Variants in MBOAT4 observed in about 807,000 individuals in gnomAD.
The protein encoded by MBOAT4 is membrane-bound ghrelin O-acyltransferase MBOAT4.
A neutral mutation model predicts 13.2 loss-of-function variants in MBOAT4; 11 were observed. That is an observed-to-expected ratio of 0.84 (90% CI 0.53 to 1.38). MBOAT4 has a LOEUF of 1.38. Among genes scored for constraint, MBOAT4 ranks in the 40% most tolerant of loss-of-function variants. The pLI, the probability that MBOAT4 is intolerant of heterozygous loss-of-function variation, is 0.00. For synonymous variants in MBOAT4, 202 were observed against 210.3 expected (o/e 0.96, Z 0.34); for missense variants, 481 against 527.2 (o/e 0.91, Z 0.86).
At chr8:30,134,692 T>G (rs978883816) in intron 2 of MBOAT4, among the ~76,000 whole-genome samples, 1 of 150,924 alleles carries the variant, frequency 6.6e-6, no homozygotes, top group African/African-American at 2.4e-5. Flanking sequence ...GAATTACAGG[T>G]GCACGCCACC....
chr8:30,136,124 A>C (rs929587436), intron 2 of MBOAT4, among the ~76,000 whole-genome samples: 1 of 152,102 alleles, frequency 6.6e-6, no homozygotes, highest in Non-Finnish European at 1.5e-5. Flanking sequence ...TTCACTCTCT[A>C]TTATGGACTG....
rs1013755228 is a variant in MBOAT4, at chr8:30,141,591, T to C, written c.120-2835A>G. 2.6e-5 allele frequency among the ~76,000 whole-genome samples: 4 copies of C among 152,072 alleles called. No homozygotes were observed. The East Asian group carries it at 7.7e-4, about 29-fold the overall frequency. On this transcript the variant is annotated intron_variant, in intron 1 of 2. Transcript: ENST00000320542. Reference sequence around the variant, plus strand: ...AGGCAGAGGTTGCAGTGAGCTGAGATCGCACTGCTGCATTCCAGCCTGGGT... The same window carrying C: ...AGGCAGAGGTTGCAGTGAGCTGAGACCGCACTGCTGCATTCCAGCCTGGGT...
intron 1 of MBOAT4, among the ~76,000 whole-genome samples, chr8:30,142,494 T>TACAG (rs1803278443): frequency 6.6e-6 from 1 of 152,194 alleles, no homozygotes; most frequent in Non-Finnish European, 1.5e-5. Context: ...TAGCCGGGAC[T>TACAG]ACAGGCATGT....
chr8:30,135,081 G>A (rs1306772057), intron 2 of MBOAT4, among the ~76,000 whole-genome samples: 28 of 147,390 alleles, frequency 1.9e-4, no homozygotes, highest in African/African-American at 7.0e-4. Flanking sequence ...TTGTAGAGAT[G>A]GGATTTCACT....
intron 1 of MBOAT4, among the ~76,000 whole-genome samples, chr8:30,143,733 A>G (rs1363265411): frequency 6.6e-6 from 1 of 152,240 alleles, no homozygotes; most frequent in Non-Finnish European, 1.5e-5. Context: ...AAGGCACTTT[A>G]AAAATCACAT....
At chr8:30,144,328 GT>G (rs1293464754) in intron 1 of MBOAT4, among the ~76,000 whole-genome samples, 154 bp downstream of exon 1, 1 of 152,134 alleles carries the variant, frequency 6.6e-6, no homozygotes, top group African/African-American at 2.4e-5. Context: ...TAGAGACAGG[GT>G]TTCGCTATGT....
In MBOAT4 at chr8:30,132,837, AC is replaced by A; in HGVS notation, c.413del (p.Cys138LeufsTer5). On this transcript the variant is annotated frameshift_variant, in exon 3 of 3. Coordinates refer to ENST00000320542, the MANE Select transcript of MBOAT4 (RefSeq NM_001100916.2). LOFTEE classifies it low-confidence loss of function (END_TRUNC). ...CAGATGCTGCCTTCACTTTCCCCTC[AC>A]AAATGTCCAGAGAGAGGGACGTGAC... The part of the protein sequence containing the change: ...QRVTSLSLDI[C>X]EGKVKAASGG... 6.4e-7 allele frequency: 1 copy of A among 1,551,644 alleles called. No individual in the cohort carries two copies. The highest frequency in any genetic ancestry group is 1.7e-4 in the Middle Eastern group (1 of 5,992).
intron 2 of MBOAT4, among the ~76,000 whole-genome samples, chr8:30,134,407 G>A (rs1416209053): frequency 6.6e-6 from 1 of 150,920 alleles, no homozygotes; most frequent in Non-Finnish European, 1.5e-5. Context: ...TGGTGATAGA[G>A]CGAGACTGCA....
In MBOAT4 at chr8:30,131,988, A is replaced by T. The variant is rs141320725; in HGVS notation, c.1263T>A (p.Cys421Ter). 8.4e-6 allele frequency: 13 copies of T among 1,552,048 alleles called. No homozygotes were observed. Among genetic ancestry groups the T allele is most frequent in the Admixed American group, 2.0e-5 (1 of 50,996 alleles). Residue 421 changes from cysteine to a stop codon, truncating the protein, a stop_gained, in exon 3 of 3, where the codon TGT becomes TGA. Transcript: ENST00000320542. LOFTEE classifies it high-confidence loss of function. Reference sequence around the variant, plus strand: ...TCTTCGCCAATAGCAAAAGCAGAATACAGTACACCATGGGAAAGACACTGT... The same window carrying T: ...TCTTCGCCAATAGCAAAAGCAGAATTCAGTACACCATGGGAAAGACACTGT... ...SYNSVFPMVYCILLLLLAKRK... is the reference protein window; with the variant it reads ...SYNSVFPMVY
chr8:30,138,497 G>A, intron 2 of MBOAT4, 35 bp downstream of exon 2: 1 of 1,509,868 alleles, frequency 6.6e-7, no homozygotes, highest in Non-Finnish European at 9.0e-7. Context: ...CAAACTGTAG[G>A]TGGGCTGAGC....
intron 2 of MBOAT4, chr8:30,138,243 T>C: frequency 3.7e-6 from 1 of 267,510 alleles, no homozygotes; most frequent in Non-Finnish European, 7.3e-6. Context: ...CTCTGTGAAT[T>C]ACTCTTTCTT....
intron 2 of MBOAT4, among the ~76,000 whole-genome samples, chr8:30,135,990 AAC>A (rs964053276): frequency 1.3e-5 from 2 of 152,038 alleles, no homozygotes; most frequent in East Asian, 1.9e-4. Flanking sequence ...GAGAGAAAAC[AAC>A]AGTCTTCTAA....
intron 2 of MBOAT4, chr8:30,138,078 A>T (rs1031118800): frequency 2.9e-5 from 5 of 170,968 alleles, no homozygotes; most frequent in African/African-American, 1.2e-4. Flanking sequence ...TTTCATCTCC[A>T]ACCCAACCAA....
chr8:30,138,905 G>A, intron 1 of MBOAT4, 149 bp from the exon 2 acceptor site: 2 of 595,506 alleles, frequency 3.4e-6, no homozygotes, highest in East Asian at 2.8e-5. Flanking sequence ...CCTTCCTTTT[G>A]TTCTTCAGAA....
At chr8:30,132,951 T>A (rs1803059274) in intron 2 of MBOAT4, 45 bp from the exon 3 acceptor site, 2 of 1,466,368 alleles carry the variant, frequency 1.4e-6, no homozygotes, top group Non-Finnish European at 1.8e-6. Context: ...TCTGTATTTA[T>A]TCTCTCTCTC....
intron 1 of MBOAT4, among the ~76,000 whole-genome samples, chr8:30,140,314 T>C (rs1404128664): frequency 6.6e-6 from 1 of 152,206 alleles, no homozygotes; most frequent in Admixed American, 6.5e-5. Context: ...TCTTAGACAC[T>C]GTACCTAAGG....
Position 30,132,456 on chromosome 8 carries a change from G to T in MBOAT4, c.795C>A (p.Leu265=). ...YYSHWILDDS[L]LHAAGFGPEL... ...CAGGCCCAAAGCCCGCTGCGTGGAG[G>T]AGGGAGTCGTCCAGGATCCAGTGGG... The change falls in exon 3 of 3, where the codon CTC becomes CTA. Residue 265 remains leucine, a synonymous_variant. Transcript: ENST00000320542. 1 of 1,551,740 alleles carries T rather than the reference G, an allele frequency of 6.4e-7. No homozygotes were observed. Among genetic ancestry groups the T allele is most frequent in the Non-Finnish European group, 8.7e-7 (1 of 1,147,004 alleles).
intron 1 of MBOAT4, among the ~76,000 whole-genome samples, chr8:30,143,634 CTA>C: frequency 6.6e-6 from 1 of 152,196 alleles, no homozygotes; most frequent in Non-Finnish European, 1.5e-5. Flanking sequence ...CATCACATCT[CTA>C]GTGATAATTT....
rs1192408828 is a variant in MBOAT4, at chr8:30,144,623, C to A, written c.-22G>T. 2 of 1,465,976 alleles carry A rather than the reference C, an allele frequency of 1.4e-6. No homozygotes were observed. Among genetic ancestry groups the A allele is most frequent in the Admixed American group, 4.1e-5 (2 of 48,932 alleles). The allele number at this position is 1,465,976 out of a possible 1,614,324, so 90.8% of individuals were successfully genotyped here. ...CCATTAGGAACCAGAACAAAAGAGC[C>A]TGTCTTTTCCAGTGTCCTTAACTGA... On this transcript the variant is annotated 5_prime_UTR_variant, in exon 1 of 3. It adds an upstream start codon to the 5' untranslated region. Transcript: ENST00000320542.
Sources: gnomAD v4.1 joint callset for allele counts (sites outside exome capture counted in the v4.1 genomes callset) on GRCh38, gnomAD v4.1.1 for gene constraint, MANE v1.5 for transcripts, NCBI Gene and HGNC (gene_info 2026-07-23, HGNC 2026-07-21) for gene names.